PCDHA6: variants seen among roughly 807,000 people sequenced by gnomAD.
The protein encoded by PCDHA6 is protocadherin alpha 6.
PCDHA6 carries 55 observed loss-of-function variants against 60.3 expected under a neutral mutation model. That is an observed-to-expected ratio of 0.91 (90% CI 0.73 to 1.14). PCDHA6 has a LOEUF of 1.14. Ranked by LOEUF, PCDHA6 falls within the 50% of genes most tolerant of loss-of-function variation. The pLI, the probability that PCDHA6 is intolerant of heterozygous loss-of-function variation, is 0.00. For synonymous variants in PCDHA6, 652 were observed against 557.9 expected (o/e 1.17, Z -2.38); for missense variants, 1,327 against 1,256.5 (o/e 1.06, Z -0.85).
intron 1 of PCDHA6, among the ~76,000 whole-genome samples, chr5:140,972,284 T>A (rs113618936): frequency 3.6e-4 from 55 of 150,874 alleles, no homozygotes; most frequent in African/African-American, 1.3e-3. Context: ...GGACCATAGA[T>A]GTGCGCCACC....
intron 3 of PCDHA6, among the ~76,000 whole-genome samples, chr5:140,997,904 A>G (rs1446627520): frequency 6.6e-6 from 1 of 152,224 alleles, no homozygotes; most frequent in Non-Finnish European, 1.5e-5. Flanking sequence ...TTCAAGAAGT[A>G]GAATTACAGA....
chr5:140,870,325 C>T (rs1554164071), intron 1 of PCDHA6: 1 of 1,614,080 alleles, frequency 6.2e-7, no homozygotes, highest in African/African-American at 1.3e-5. Context: ...CTCGTTGGTG[C>T]TGGACAGCGC....
At position 140,851,996 on chromosome 5, in the gene PCDHA6, G is replaced by A. The variant is rs782761862; in HGVS notation, c.2394+21511G>A. ...TACCTTTAGTGCAAGCTATTTGTTT[G>A]TTTTCTAATTTATAGTTTTAAAAAC... On this transcript the variant is annotated intron_variant, in intron 1 of 3. Transcript: ENST00000529310. The A allele has an allele frequency of 4.9e-4, 481 of 975,902 alleles. 33 individuals carry two copies. Among genetic ancestry groups the A allele is most frequent in the Admixed American group, 1.4e-3 (23 of 15,868 alleles). The allele number at this position is 975,902 out of a possible 1,614,324, so 60.5% of individuals were successfully genotyped here.
chr5:140,879,532 C>T (rs1189647724), intron 1 of PCDHA6, among the ~76,000 whole-genome samples: 1 of 152,146 alleles, frequency 6.6e-6, no homozygotes, highest in Admixed American at 6.5e-5. Context: ...TTGGGAACAA[C>T]TCCTTTAGAG....
At chr5:140,838,075 ATAGTGT>A (rs1332388454) in intron 1 of PCDHA6, among the ~76,000 whole-genome samples, 13,757 of 126,792 alleles carry the variant, frequency 0.11, 706 homozygotes, top group East Asian at 0.24. Context: ...TTATATATAT[ATAGTGT>A]GTGTGTGTGT....
intron 1 of PCDHA6, chr5:140,966,728 TCCG>T (rs1554228593): frequency 2.8e-6 from 4 of 1,404,870 alleles, no homozygotes; most frequent in Non-Finnish European, 3.7e-6. Flanking sequence ...AGCTGCCGCC[TCCG>T]GCCCTGCCCG....
chr5:140,882,927 C>A, intron 1 of PCDHA6: 1 of 1,614,104 alleles, frequency 6.2e-7, no homozygotes. Context: ...GGAGGTAAAC[C>A]CGAGCTGACT....
Position 140,847,480 on chromosome 5 carries a change from A to T in PCDHA6, c.2394+16995A>T, listed in dbSNP as rs956174108. Reference sequence around the variant, plus strand: ...ATTAATCGACTTGGACGTTGGAATAAGATAGTAAAACTCACAACAAAACTT... The same window carrying T: ...ATTAATCGACTTGGACGTTGGAATATGATAGTAAAACTCACAACAAAACTT... On this transcript the variant is annotated intron_variant, in intron 1 of 3. Transcript: ENST00000529310. 2 of 149,954 alleles carry T rather than the reference A, an allele frequency of 1.3e-5. 1 individual carries two copies. The highest frequency in any genetic ancestry group is 3.0e-5 in the Non-Finnish European group (2 of 67,004). The allele number at this position is 149,954 out of a possible 1,614,324, so 9.3% of individuals were successfully genotyped here.
chr5:140,975,840 A>G (rs1387222678), intron 1 of PCDHA6, among the ~76,000 whole-genome samples: 2 of 152,202 alleles, frequency 1.3e-5, no homozygotes, highest in African/African-American at 2.4e-5. Context: ...CTTATTCTTC[A>G]GTAATACTAC....
Position 140,889,101 on chromosome 5 carries a change from T to C in PCDHA6, c.2394+58616T>C, listed in dbSNP as rs115792966. On this transcript the variant is annotated intron_variant, in intron 1 of 3. Transcript: ENST00000529310. ...TTAAATTTTCAAAACAATTTTTTCA[T>C]CTTTATTCCAGGTGATACTGATATG... Among the ~76,000 whole-genome samples the C allele has an allele frequency of 7.5e-3, 1,145 of 152,066 alleles. 15 individuals carry two copies. Among genetic ancestry groups the C allele is most frequent in the African/African-American group, 0.026 (1,085 of 41,518 alleles).
chr5:140,862,711 G>T, intron 1 of PCDHA6: 2 of 561,474 alleles, frequency 3.6e-6, no homozygotes, highest in Admixed American at 3.8e-5. Flanking sequence ...ACAGCGGGTG[G>T]GCGAGTGCGC....
At chr5:140,835,741 C>A (rs558922738) in intron 1 of PCDHA6, 1 of 1,613,586 alleles carries the variant, frequency 6.2e-7, no homozygotes, top group Admixed American at 1.7e-5. Flanking sequence ...GACAACGCCC[C>A]GGCGTTCGCG....
In PCDHA6 at chr5:140,958,926, C is replaced by T. The variant is rs2095452227; in HGVS notation, c.2395-20023C>T. Among the ~76,000 whole-genome samples the T allele has an allele frequency of 2.1e-5, 3 of 143,506 alleles. No individual in the cohort carries two copies. The Admixed American group carries it at 2.1e-4, about 10-fold the overall frequency. The allele number at this position is 143,506 out of a possible 152,430, so 94.1% of individuals were successfully genotyped here. A position where few individuals can be genotyped will look rare whatever the true frequency, so the allele number is the denominator to read the frequency against. Reference sequence around the variant, plus strand: ...AGAAAAGTCTGCCTGGGTGTGGTGGCTCATACTTGTAATAATATTATATTA... The same window carrying T: ...AGAAAAGTCTGCCTGGGTGTGGTGGTTCATACTTGTAATAATATTATATTA... On this transcript the variant is annotated intron_variant, in intron 1 of 3. Transcript: ENST00000529310.
intron 1 of PCDHA6, chr5:140,850,975 T>G: frequency 6.9e-7 from 1 of 1,451,728 alleles, no homozygotes; most frequent in Non-Finnish European, 9.2e-7. Flanking sequence ...GTTCAAATAG[T>G]TTTATTCATT....
At chr5:140,863,300 C>G (rs1554158081) in intron 1 of PCDHA6, 16 of 1,463,970 alleles carry the variant, frequency 1.1e-5, no homozygotes, top group Non-Finnish European at 1.5e-5. Context: ...CTGATCATCG[C>G]CATCTGCGTG....
At chr5:141,000,079 G>A (rs1233130123) in intron 3 of PCDHA6, among the ~76,000 whole-genome samples, 2 of 152,102 alleles carry the variant, frequency 1.3e-5, no homozygotes, top group Non-Finnish European at 2.9e-5. Flanking sequence ...CACAATGCTA[G>A]GCCTGTGAAT....
At chr5:140,917,690 G>C (rs2078307385) in intron 1 of PCDHA6, among the ~76,000 whole-genome samples, 1 of 152,108 alleles carries the variant, frequency 6.6e-6, no homozygotes, top group African/African-American at 2.4e-5. Context: ...TTTTGTTGAA[G>C]ATCAGATAAT....
At chr5:140,843,177 G>A (rs1778635433) in intron 1 of PCDHA6, 1 of 1,596,058 alleles carries the variant, frequency 6.3e-7, no homozygotes, top group Non-Finnish European at 8.6e-7. Context: ...AGCAGCCCTC[G>A]CATCCCGTTC....
At chr5:140,992,019 G>C (rs1326705755) in intron 3 of PCDHA6, among the ~76,000 whole-genome samples, 2 of 50,642 alleles carry the variant, frequency 3.9e-5, no homozygotes, top group African/African-American at 6.0e-5. Context: ...AGGTGGCTCT[G>C]TGTGTGTGTG....
Sources: allele counts gnomAD v4.1 joint callset (sites outside exome capture counted in the v4.1 genomes callset), GRCh38; gene constraint gnomAD v4.1.1; transcripts MANE v1.5; gene names NCBI Gene and HGNC (gene_info 2026-07-23, HGNC 2026-07-21).